LOXHD1: variants seen among roughly 807,000 people sequenced by gnomAD.
LOXHD1 encodes lipoxygenase homology domain-containing protein 1.
In LOXHD1, 205 loss-of-function variants were observed where a neutral mutation model predicts 248.2. The observed-to-expected ratio is 0.83, with a 90% CI of 0.74 to 0.93. The LOEUF (loss-of-function observed/expected upper bound fraction) is 0.93, where lower values mean the gene tolerates loss of function less well. Among genes scored for constraint, LOXHD1 ranks in the 40% least tolerant of loss-of-function variants. LOXHD1 has a pLI of 0.00. For synonymous variants in LOXHD1, 1,113 were observed against 1,162.8 expected, an observed-to-expected ratio of 0.96 and a Z score of 0.87; for missense variants, 2,930 against 2,971.6, an observed-to-expected ratio of 0.99 and a Z score of 0.33.
At chr18:46,566,190 C>G in intron 17 of LOXHD1, 67 bp downstream of exon 17, 115 of 1,421,430 alleles carry the variant, frequency 8.1e-5, no homozygotes, top group Non-Finnish European at 1.0e-4. Context: ...CATGGTCCCT[C>G]CTCCTTCCCC....
At chr18:46,597,934 T>A (rs1182100902) in intron 8 of LOXHD1, among the ~76,000 whole-genome samples, 2 of 136,630 alleles carry the variant, frequency 1.5e-5, no homozygotes, top group East Asian at 4.0e-4. Flanking sequence ...TTTGCATTTT[T>A]TTTTTTTTTT....
chr18:46,481,706 A>T (rs1471643816), intron 40 of LOXHD1, among the ~76,000 whole-genome samples: 1 of 152,210 alleles, frequency 6.6e-6, no homozygotes, highest in Non-Finnish European at 1.5e-5. Context: ...AACAAAAGAC[A>T]GGCTGCATTC....
At chr18:46,567,551 G>A (rs185823590) in intron 16 of LOXHD1, among the ~76,000 whole-genome samples, 16 of 152,324 alleles carry the variant, frequency 1.1e-4, no homozygotes, top group Admixed American at 2.6e-4. Context: ...GGGAGGGATT[G>A]GCTGAAAGGG....
At chr18:46,612,776 T>C (rs1385005291) in intron 5 of LOXHD1, among the ~76,000 whole-genome samples, 2 of 152,150 alleles carry the variant, frequency 1.3e-5, no homozygotes, top group African/African-American at 4.8e-5. Context: ...CTGAAAGTTA[T>C]TTTGTGAGTG....
chr18:46,613,976 C>T (rs190929786), intron 5 of LOXHD1, among the ~76,000 whole-genome samples: 161 of 152,266 alleles, frequency 1.1e-3, no homozygotes, highest in Middle Eastern at 6.8e-3. Context: ...AAATGCTTAT[C>T]ATCACTGGCC....
chr18:46,585,544 T>C (rs2038043341), intron 12 of LOXHD1, among the ~76,000 whole-genome samples: 1 of 151,938 alleles, frequency 6.6e-6, no homozygotes, highest in Non-Finnish European at 1.5e-5. Flanking sequence ...AAAATAGAGA[T>C]CTAAATAAAT....
chr18:46,607,434 A>G (rs1336265906), intron 6 of LOXHD1, among the ~76,000 whole-genome samples: 3 of 150,052 alleles, frequency 2.0e-5, no homozygotes. Context: ...CATAATGAAT[A>G]TATATACACA....
intron 8 of LOXHD1, among the ~76,000 whole-genome samples, chr18:46,600,805 G>A (rs774669799): frequency 6.6e-6 from 1 of 152,182 alleles, no homozygotes. Context: ...AGACAAAATT[G>A]AGGTTTGCTT....
Position 46,524,692 on chromosome 18 carries a change from A to G in LOXHD1, c.4740+16T>C. On this transcript the variant is annotated intron_variant, in intron 30 of 40. Transcript: ENST00000642948. ...GCATGAGGATGGCCACAGGCCCTAT[A>G]TACCCCTTGGCTCACCTTCTCGTAA... is the stretch of plus-strand genomic sequence containing the variant. 1 of 1,551,584 alleles carries G rather than the reference A, an allele frequency of 6.4e-7. No individual in the cohort carries two copies.
chr18:46,506,162 A>G (rs749615913), intron 36 of LOXHD1, 139 bp from the exon 37 acceptor site: 2 of 810,920 alleles, frequency 2.5e-6, no homozygotes, highest in Non-Finnish European at 3.8e-6. Flanking sequence ...GCCAGGGGTG[A>G]GGTTGGAAAG....
chr18:46,602,168 C>T (rs920515553), intron 7 of LOXHD1, among the ~76,000 whole-genome samples: 5 of 152,156 alleles, frequency 3.3e-5, no homozygotes, highest in African/African-American at 4.8e-5. Context: ...ACAGGCAATT[C>T]TACTAAGGAC....
At chr18:46,634,129 C>T (rs918560469) in intron 4 of LOXHD1, among the ~76,000 whole-genome samples, 1 of 152,096 alleles carries the variant, frequency 6.6e-6, no homozygotes, top group Non-Finnish European at 1.5e-5. Flanking sequence ...ATTTGTACGC[C>T]CATGTTCATA....
chr18:46,491,398 G>A (rs575790035), intron 37 of LOXHD1, among the ~76,000 whole-genome samples: 10 of 152,300 alleles, frequency 6.6e-5, no homozygotes, highest in South Asian at 2.1e-4. Flanking sequence ...TTCAGTTTGC[G>A]GTGGGGTCCA....
At chr18:46,625,481 G>A (rs1001713840) in intron 4 of LOXHD1, among the ~76,000 whole-genome samples, 5 of 149,446 alleles carry the variant, frequency 3.3e-5, no homozygotes, top group Non-Finnish European at 7.4e-5. Context: ...TAACACTAGC[G>A]ATAGCTGATG....
chr18:46,656,828 C>G, intron 1 of LOXHD1, 76 bp downstream of exon 1: 3 of 1,474,472 alleles, frequency 2.0e-6, no homozygotes, highest in Admixed American at 4.1e-5. Context: ...TAGAATGACT[C>G]CCCATAGACA....
rs1297610213 is a variant in LOXHD1, at chr18:46,557,381, T to A, written c.3325A>T (p.Ile1109Phe). The change falls in exon 21 of 41, where the codon ATT becomes TTT. Residue 1109 changes from isoleucine (I) to phenylalanine (F), a missense_variant. By Grantham distance (21) the Ile-to-Phe change is conservative (BLOSUM62 0). Coordinates refer to ENST00000642948, the MANE Select transcript of LOXHD1 (RefSeq NM_001384474.1). ...GTGATCTCGTTGTTCATGTCAGTAA[T>A]GTCTATTCTGTCCAGGAACCAGCCT... ...RAGWFLDRID[I>F]TDMNNEITYY... The A allele has an allele frequency of 9.0e-6, 14 of 1,552,244 alleles. No homozygotes were observed. Among genetic ancestry groups the A allele is most frequent in the Non-Finnish European group, 1.0e-5 (12 of 1,147,144 alleles).
Position 46,601,229 on chromosome 18 carries a change from C to G in LOXHD1, c.1122G>C (p.Trp374Cys). 1 of 1,551,302 alleles carries G rather than the reference C, an allele frequency of 6.4e-7. No homozygotes were observed. Among genetic ancestry groups the G allele is most frequent in the Non-Finnish European group, 8.7e-7 (1 of 1,146,646 alleles). The change falls in exon 8 of 41, where the codon TGG becomes TGC. Residue 374 changes from tryptophan (W) to cysteine (C), a missense_variant. By Grantham distance (215) the Trp-to-Cys change is radical (BLOSUM62 -2). Transcript: ENST00000642948. The stretch of plus-strand genomic sequence containing the variant: ...GGGCATCCCTTACCTTCTCACAGAA[C>G]CAGCCTCTGTTGACACCCACATTGC... ...GHGNVGVNRG[W>C]FCEKVVILCP...
chr18:46,629,824 GA>G lies in LOXHD1; in HGVS notation c.511+9791del, dbSNP rs1030384636. ...AAAAAAAAAGAAAAAAAGAAAGAAA[GA>G]AAAAAAGGCAATTCATTTGCTCCAG... On this transcript the variant is annotated intron_variant, in intron 4 of 40. Coordinates refer to ENST00000642948, the MANE Select transcript of LOXHD1 (RefSeq NM_001384474.1). Among the ~76,000 whole-genome samples the G allele has an allele frequency of 2.2e-4, 33 of 149,338 alleles. No homozygotes were observed. The East Asian group carries it at 4.9e-3, about 22-fold the overall frequency.
chr18:46,572,245 A>G (rs568351362), intron 14 of LOXHD1, 83 bp from the exon 15 acceptor site: 3 of 1,195,164 alleles, frequency 2.5e-6, no homozygotes, highest in East Asian at 2.6e-5. Context: ...CAGAGTCACT[A>G]TGGAGGCCCA....
Sources: gnomAD v4.1 joint callset for allele counts (sites outside exome capture counted in the v4.1 genomes callset) on GRCh38, gnomAD v4.1.1 for gene constraint, MANE v1.5 for transcripts, NCBI Gene and HGNC (gene_info 2026-07-23, HGNC 2026-07-21) for gene names.